The following OR9Q1 variants were observed in gnomAD, a reference collection of about 807,000 sequenced individuals.
The protein encoded by OR9Q1 is olfactory receptor 9Q1.
For missense variants in OR9Q1, 374 were observed against 378.8 expected (o/e 0.99, Z 0.11); for synonymous variants, 153 against 148.6 (o/e 1.03, Z -0.22).
At chr11:58,115,837 T>C (rs1853948985) in intron 2 of OR9Q1, among the ~76,000 whole-genome samples, 4 of 152,160 alleles carry the variant, frequency 2.6e-5, no homozygotes, top group Admixed American at 2.6e-4. Flanking sequence ...GCAATTGCTA[T>C]CAGACAAAGA....
At chr11:58,156,577 CTG>C (rs1168165533) in intron 2 of OR9Q1, among the ~76,000 whole-genome samples, 2 of 152,088 alleles carry the variant, frequency 1.3e-5, no homozygotes, top group Non-Finnish European at 2.9e-5. Context: ...TCTTGTATGA[CTG>C]TAATTGTATA....
chr11:58,147,672 G>A (rs1289924110), intron 2 of OR9Q1, among the ~76,000 whole-genome samples: 1 of 152,124 alleles, frequency 6.6e-6, no homozygotes, highest in Non-Finnish European at 1.5e-5. Context: ...AAAATAAAAT[G>A]AAGTTTTAGT....
chr11:58,072,504 C>G (rs1458757269), intron 2 of OR9Q1: 1 of 163,368 alleles, frequency 6.1e-6, no homozygotes, highest in Non-Finnish European at 1.4e-5. Flanking sequence ...AATGCTGGTC[C>G]TGGTTTTCAC....
At chr11:58,153,427 T>C (rs1854373164) in intron 2 of OR9Q1, among the ~76,000 whole-genome samples, 1 of 152,088 alleles carries the variant, frequency 6.6e-6, no homozygotes, top group South Asian at 2.1e-4. Context: ...TGTGGAAGAT[T>C]CAAACATCAG....
chr11:58,143,176 T>C (rs1306240366), intron 2 of OR9Q1, among the ~76,000 whole-genome samples: 1 of 152,210 alleles, frequency 6.6e-6, no homozygotes, highest in African/African-American at 2.4e-5. Context: ...TCTCAGAATT[T>C]AGTAAAAATA....
At chr11:58,118,342 TAATTTCACCAC>T (rs1434455923) in intron 2 of OR9Q1, 1 of 582,420 alleles carries the variant, frequency 1.7e-6, no homozygotes, top group Admixed American at 3.1e-5. Flanking sequence ...TGCTGGAAAC[TAATTTCACCAC>T]AATTGTAGTT....
intron 2 of OR9Q1, among the ~76,000 whole-genome samples, chr11:58,162,178 C>T (rs1854463427): frequency 6.6e-6 from 1 of 152,184 alleles, no homozygotes; most frequent in African/African-American, 2.4e-5. Context: ...GTGTAACATG[C>T]TAACATACCA....
chr11:58,029,631 A>T (rs1215920693), intron 1 of OR9Q1, among the ~76,000 whole-genome samples: 1 of 152,210 alleles, frequency 6.6e-6, no homozygotes, highest in Non-Finnish European at 1.5e-5. Context: ...GTTTTTTAAA[A>T]AATGGGATTA....
rs1293342722 is a variant in OR9Q1 at position 58,139,893 on chromosome 11, C to T, written c.-14-39538C>T. The stretch of plus-strand genomic sequence containing the variant: ...CACAATGGTTGAACTAGTTTACAGT[C>T]CCACCAACAGTGTAAAAGTGTTCCT... On this transcript the variant is annotated intron_variant, in intron 2 of 2. Transcript: ENST00000335397. Among the ~76,000 whole-genome samples the T allele has an allele frequency of 2.6e-5, 4 of 151,836 alleles. 1 individual carries two copies. Among genetic ancestry groups the T allele is most frequent in the Admixed American group, 2.6e-4 (4 of 15,208 alleles).
chr11:58,101,705 C>T (rs1156676429), intron 2 of OR9Q1, among the ~76,000 whole-genome samples: 2 of 152,010 alleles, frequency 1.3e-5, no homozygotes, highest in African/African-American at 4.8e-5. Context: ...AAATTCTTTG[C>T]CTAGGTCAAT....
intron 1 of OR9Q1, among the ~76,000 whole-genome samples, chr11:58,038,818 C>T (rs966771800): frequency 2.6e-5 from 4 of 152,032 alleles, no homozygotes; most frequent in Admixed American, 6.5e-5. Flanking sequence ...ATTTCTATTT[C>T]GTTTTTCAGG....
intron 2 of OR9Q1, chr11:58,119,172 G>T (rs372462144): frequency 1.9e-6 from 3 of 1,614,014 alleles, no homozygotes; most frequent in South Asian, 1.1e-5. Flanking sequence ...CGTAGGAGAT[G>T]ACCGTTTTGC....
chr11:58,096,811 C>T (rs943539569), intron 2 of OR9Q1, among the ~76,000 whole-genome samples: 14 of 149,600 alleles, frequency 9.4e-5, no homozygotes, highest in Non-Finnish European at 1.6e-4. Flanking sequence ...TCAAGCAATT[C>T]TCCTGCCTCA....
intron 2 of OR9Q1, among the ~76,000 whole-genome samples, chr11:58,092,034 G>A (rs954385557): frequency 6.6e-6 from 1 of 151,078 alleles, no homozygotes; most frequent in Non-Finnish European, 1.5e-5. Context: ...GAGCCTATGT[G>A]TTTCTTTGCA....
At chr11:58,073,568 A>G (rs1328471418) in intron 2 of OR9Q1, 1 of 152,986 alleles carries the variant, frequency 6.5e-6, no homozygotes, top group African/African-American at 2.4e-5. Context: ...CAAAATGGCG[A>G]CTTTCTGTAA....
intron 2 of OR9Q1, among the ~76,000 whole-genome samples, chr11:58,120,162 C>T (rs777229503): frequency 1.2e-4 from 19 of 152,114 alleles, no homozygotes; most frequent in African/African-American, 2.2e-4. Flanking sequence ...CAACATATTG[C>T]ATTTTATATT....
chr11:58,085,651 A>G (rs1315984326), intron 2 of OR9Q1, among the ~76,000 whole-genome samples: 1 of 151,844 alleles, frequency 6.6e-6, no homozygotes. Context: ...ATCAAGTAGT[A>G]TTATTTTTAT....
At chr11:58,086,644 G>A (rs1421932183) in intron 2 of OR9Q1, among the ~76,000 whole-genome samples, 1 of 151,644 alleles carries the variant, frequency 6.6e-6, no homozygotes, top group Non-Finnish European at 1.5e-5. Flanking sequence ...AGAAAATATG[G>A]TACATATATA....
At chr11:58,132,211 G>A (rs2119845221) in intron 2 of OR9Q1, among the ~76,000 whole-genome samples, 1 of 152,286 alleles carries the variant, frequency 6.6e-6, no homozygotes, top group Admixed American at 6.5e-5. Flanking sequence ...TGGTTCAATG[G>A]TTTAAATTTC....
Sources: gnomAD v4.1 joint callset for allele counts (sites outside exome capture counted in the v4.1 genomes callset) on GRCh38, gnomAD v4.1.1 for gene constraint, MANE v1.5 for transcripts, NCBI Gene and HGNC (gene_info 2026-07-23, HGNC 2026-07-21) for gene names.